Variants in RPH3A observed in about 807,000 individuals in gnomAD.
The protein encoded by RPH3A is rabphilin 3A, also known as rabphilin-3A.
A neutral mutation model predicts 102.2 loss-of-function variants in RPH3A; 48 were observed. That is an observed-to-expected ratio of 0.47 (90% CI 0.37 to 0.60). RPH3A has a LOEUF of 0.60. Among genes scored for constraint, RPH3A ranks in the 20% least tolerant of loss-of-function variants. The pLI is 0.00. For synonymous variants in RPH3A, 310 were observed against 324.3 expected, an observed-to-expected ratio of 0.96 and a Z score of 0.47; for missense variants, 781 against 910.1, an observed-to-expected ratio of 0.86 and a Z score of 1.83.
At chr12:112,771,188 A>G (rs1174261466) in intron 1 of RPH3A, among the ~76,000 whole-genome samples, 1 of 152,390 alleles carries the variant, frequency 6.6e-6, no homozygotes, top group Non-Finnish European at 1.5e-5. Flanking sequence ...AAATGGTAGC[A>G]TACTGAACAT....
intron 2 of RPH3A, among the ~76,000 whole-genome samples, chr12:112,827,004 C>G (rs1458470271): frequency 6.6e-6 from 1 of 152,100 alleles, no homozygotes; most frequent in African/African-American, 2.4e-5. Flanking sequence ...AGTAGATGGA[C>G]TTTTAGCTAA....
chr12:112,682,096 GT>G (rs2040229967), intron 1 of RPH3A, among the ~76,000 whole-genome samples: 1 of 152,154 alleles, frequency 6.6e-6, no homozygotes, highest in Admixed American at 6.5e-5. Flanking sequence ...GTGAATGTAG[GT>G]TGTATTAATC....
intron 15 of RPH3A, 39 bp downstream of exon 15, chr12:112,881,885 T>A: frequency 1.3e-6 from 2 of 1,552,160 alleles, no homozygotes; most frequent in Non-Finnish European, 1.8e-6. Flanking sequence ...ACCGGGTGCA[T>A]GGGCCCTGGC....
Position 112,713,197 on chromosome 12 carries a change from G to T in RPH3A, c.-139-78946G>T, listed in dbSNP as rs368170249. Among the ~76,000 whole-genome samples, 287 of 151,524 alleles carry T rather than the reference G, an allele frequency of 1.9e-3. 1 individual carries two copies. Among genetic ancestry groups the T allele is most frequent in the African/African-American group, 6.5e-3 (268 of 41,260 alleles). ...TCCTCATGCCTTGGCCTCTCAAAGT[G>T]CTGGGATTATAGGCATAAGCCACCA... is the stretch of plus-strand genomic sequence containing the variant. On this transcript the variant is annotated intron_variant, in intron 1 of 21. Coordinates refer to the RPH3A transcript ENST00000543106.
chr12:112,852,164 T>C (rs954792143), intron 5 of RPH3A, among the ~76,000 whole-genome samples: 6 of 152,214 alleles, frequency 3.9e-5, no homozygotes, highest in African/African-American at 1.2e-4. Context: ...GCTCTTCAGG[T>C]AGCCCCTCTC....
At chr12:112,719,783 C>T (rs1246694712) in intron 1 of RPH3A, among the ~76,000 whole-genome samples, 1 of 152,138 alleles carries the variant, frequency 6.6e-6, no homozygotes, top group East Asian at 1.9e-4. Context: ...AATCTGTGTT[C>T]TTACGTTTGA....
chr12:112,890,747 C>A, intron 18 of RPH3A, 102 bp from the exon 19 acceptor site: 4 of 1,350,016 alleles, frequency 3.0e-6, no homozygotes, highest in South Asian at 2.8e-5. Flanking sequence ...TAGAGCTGGC[C>A]AAGCTTCGCC....
chr12:112,715,677 C>A (rs1406934637), intron 1 of RPH3A, among the ~76,000 whole-genome samples: 1 of 152,160 alleles, frequency 6.6e-6, no homozygotes. Context: ...AGGGACCAGT[C>A]ATATACCCCT....
At chr12:112,590,591 T>C (rs945909995) in intron 1 of RPH3A, among the ~76,000 whole-genome samples, 2 of 152,222 alleles carry the variant, frequency 1.3e-5, no homozygotes, top group African/African-American at 2.4e-5. Flanking sequence ...CAGGGCTGCA[T>C]TGTTTTAGAG....
At chr12:112,701,400 A>G (rs1392315034) in intron 1 of RPH3A, among the ~76,000 whole-genome samples, 1 of 152,238 alleles carries the variant, frequency 6.6e-6, no homozygotes, top group East Asian at 1.9e-4. Context: ...TATCCACAGG[A>G]CAACCATAGG....
chr12:112,635,810 A>G (rs921164857), intron 1 of RPH3A, among the ~76,000 whole-genome samples: 5 of 152,128 alleles, frequency 3.3e-5, no homozygotes, highest in African/African-American at 9.7e-5. Context: ...CTCTGAGTGC[A>G]TAAGTTGACT....
intron 10 of RPH3A, among the ~76,000 whole-genome samples, chr12:112,873,008 T>C (rs950157561): frequency 2.0e-5 from 3 of 152,198 alleles, no homozygotes; most frequent in Non-Finnish European, 1.5e-5. Flanking sequence ...GACATGTCTC[T>C]CTCCATTAAT....
At position 112,828,378 on chromosome 12, in the gene RPH3A, C is replaced by A; in HGVS notation, c.60C>A (p.Pro20=). 1 of 1,603,432 alleles carries A rather than the reference C, an allele frequency of 6.2e-7. No individual in the cohort carries two copies. ...GTTGGATGTACCCCAGTGACCGGCC[C>A]CTTCAATCAAAGTAAGTTGCTGCAT... ...SNRWMYPSDR[P]LQSNDKEQLQ... The change falls in exon 3 of 22, where the codon CCC becomes CCA. Residue 20 remains proline, a synonymous_variant. Transcript: ENST00000389385.
chr12:112,779,326 G>A (rs150750819), intron 1 of RPH3A, among the ~76,000 whole-genome samples: 1 of 152,246 alleles, frequency 6.6e-6, no homozygotes, highest in East Asian at 1.9e-4. Context: ...GTCTCCCAGG[G>A]ACAGGCCAGT....
At chr12:112,798,334 A>G (rs902495554) in intron 2 of RPH3A, among the ~76,000 whole-genome samples, 1 of 152,180 alleles carries the variant, frequency 6.6e-6, no homozygotes, top group Non-Finnish European at 1.5e-5. Context: ...GAGGGGGGGA[A>G]ATATCTTCTC....
intron 1 of RPH3A, among the ~76,000 whole-genome samples, chr12:112,606,728 G>A (rs2039599980): frequency 6.6e-6 from 1 of 152,196 alleles, no homozygotes; most frequent in Non-Finnish European, 1.5e-5. Flanking sequence ...GAAGCAGCAT[G>A]TCTTCAACAA....
chr12:112,664,617 AT>A (rs1398418109), intron 1 of RPH3A, among the ~76,000 whole-genome samples: 1 of 152,092 alleles, frequency 6.6e-6, no homozygotes, highest in Non-Finnish European at 1.5e-5. Flanking sequence ...CCTTGTCTTC[AT>A]TATAAGGGAA....
intron 19 of RPH3A, chr12:112,894,122 C>CATTAAAAAA: frequency 5.6e-6 from 1 of 177,468 alleles, no homozygotes; most frequent in Non-Finnish European, 1.2e-5. Context: ...CTTCCCCTTT[C>CATTAAAAAA]TGTGCATACA....
intron 16 of RPH3A, 96 bp downstream of exon 16, chr12:112,883,498 A>G (rs1383426327): frequency 3.7e-6 from 3 of 800,104 alleles, no homozygotes; most frequent in Non-Finnish European, 4.3e-6. Flanking sequence ...CTTCACTCTA[A>G]AAAGATCTCT....
Sources: gnomAD v4.1 joint callset for allele counts (sites outside exome capture counted in the v4.1 genomes callset) on GRCh38, gnomAD v4.1.1 for gene constraint, MANE v1.5 for transcripts, NCBI Gene and HGNC (gene_info 2026-07-23, HGNC 2026-07-21) for gene names.